CNTNAP4: variants seen among roughly 807,000 people sequenced by gnomAD.
CNTNAP4 encodes the protein contactin associated protein family member 4.
In CNTNAP4, 98 loss-of-function variants were observed where a neutral mutation model predicts 148.4. The ratio of observed to expected loss-of-function variants is 0.66; its 90% CI spans 0.56 to 0.78. The LOEUF (loss-of-function observed/expected upper bound fraction) is 0.78. CNTNAP4 is among the 30% of genes least tolerant of loss of function. The pLI is 0.00. For synonymous variants in CNTNAP4, 730 were observed against 565.1 expected (o/e 1.29, Z -4.14); for missense variants, 1,935 against 1,565.6 (o/e 1.24, Z -3.98).
chr16:76,553,788 T>A, intron 22 of CNTNAP4, 48 bp from the exon 23 acceptor site: 1 of 1,228,822 alleles, frequency 8.1e-7, no homozygotes, highest in Non-Finnish European at 1.2e-6. Flanking sequence ...AAATTTCTTC[T>A]TTTACTTGCC....
At chr16:76,338,715 G>C (rs1273906454) in intron 2 of CNTNAP4, among the ~76,000 whole-genome samples, 1 of 152,186 alleles carries the variant, frequency 6.6e-6, no homozygotes, top group Non-Finnish European at 1.5e-5. Flanking sequence ...AGACCCTGGA[G>C]ACAGACTGTT....
chr16:76,439,519 T>G (rs1252311645), intron 4 of CNTNAP4, among the ~76,000 whole-genome samples: 1 of 152,172 alleles, frequency 6.6e-6, no homozygotes, highest in African/African-American at 2.4e-5. Flanking sequence ...CAAATGAATA[T>G]TAGAGCCAAA....
At chr16:76,307,751 A>T (rs1960651676) in intron 1 of CNTNAP4, among the ~76,000 whole-genome samples, 1 of 152,044 alleles carries the variant, frequency 6.6e-6, no homozygotes, top group Non-Finnish European at 1.5e-5. Context: ...TTGTCTTAAT[A>T]TCTGGACTTT....
intron 15 of CNTNAP4, among the ~76,000 whole-genome samples, chr16:76,520,427 A>G (rs1260590614): frequency 6.6e-6 from 1 of 152,198 alleles, no homozygotes; most frequent in East Asian, 1.9e-4. Flanking sequence ...CTCTTAATTT[A>G]TATCCCAACC....
chr16:76,538,246 C>T lies in CNTNAP4; in HGVS notation c.3126C>T (p.Ile1042=). ...ATATGAAGCTGAGCAGAGAAATGAT[C>T]AAATTTAGTTTCCGAACAACACGAA... The part of the protein sequence containing the change: ...HGDMKLSREM[I]KFSFRTTRTP... The change falls in exon 19 of 24, where the codon ATC becomes ATT. Residue 1042 remains isoleucine (I), a synonymous_variant. Coordinates refer to ENST00000611870, the MANE Select transcript of CNTNAP4 (RefSeq NM_033401.5). 1 of 1,611,048 alleles carries T rather than the reference C, an allele frequency of 6.2e-7. No homozygotes were observed. Among genetic ancestry groups the T allele is most frequent in the Middle Eastern group, 1.7e-4 (1 of 6,054 alleles).
intron 18 of CNTNAP4, among the ~76,000 whole-genome samples, chr16:76,536,744 T>C (rs2062282688): frequency 6.6e-6 from 1 of 152,322 alleles, no homozygotes; most frequent in South Asian, 2.1e-4. Flanking sequence ...CTGATATGCC[T>C]CATGGAAGAA....
At chr16:76,363,174 T>C (rs1025129349) in intron 3 of CNTNAP4, among the ~76,000 whole-genome samples, 3 of 151,756 alleles carry the variant, frequency 2.0e-5, no homozygotes, top group African/African-American at 7.3e-5. Context: ...TTTTTTTTTT[T>C]TTGGGAGTTG....
intron 10 of CNTNAP4, among the ~76,000 whole-genome samples, chr16:76,470,738 T>A (rs528229781): frequency 1.0e-3 from 151 of 150,874 alleles, no homozygotes; most frequent in African/African-American, 2.9e-3. Flanking sequence ...TGCAGGTTTT[T>A]AAAAAAAAAC....
chr16:76,284,244 G>A (rs1235442909), intron 1 of CNTNAP4, among the ~76,000 whole-genome samples: 1 of 151,810 alleles, frequency 6.6e-6, no homozygotes, highest in Non-Finnish European at 1.5e-5. Flanking sequence ...TGTGGGTGGT[G>A]GTGGCATGCA....
chr16:76,302,104 T>C (rs1264491837), intron 1 of CNTNAP4, among the ~76,000 whole-genome samples: 1 of 151,946 alleles, frequency 6.6e-6, no homozygotes, highest in Non-Finnish European at 1.5e-5. Flanking sequence ...AGGAATGATA[T>C]CCACCTATAA....
intron 7 of CNTNAP4, among the ~76,000 whole-genome samples, chr16:76,450,323 T>C (rs543124908): frequency 4.1e-4 from 63 of 152,078 alleles, no homozygotes; most frequent in Non-Finnish European, 6.2e-4. Flanking sequence ...TAATTTTTTG[T>C]ATATTTTGTA....
intron 14 of CNTNAP4, among the ~76,000 whole-genome samples, 168 bp from the exon 15 acceptor site, chr16:76,498,393 AAATAAT>A (rs548806061): frequency 8.5e-5 from 13 of 152,186 alleles, no homozygotes; most frequent in African/African-American, 2.7e-4. Context: ...CCCTGTCTCA[AAATAAT>A]AATAATAGTA....
intron 1 of CNTNAP4, among the ~76,000 whole-genome samples, chr16:76,291,347 C>A (rs538881817): frequency 7.9e-5 from 12 of 152,266 alleles, no homozygotes; most frequent in African/African-American, 2.2e-4. Flanking sequence ...CATTCTCATC[C>A]ATCAGCCACC....
At chr16:76,483,295 G>T (rs894541627) in intron 12 of CNTNAP4, among the ~76,000 whole-genome samples, 3 of 147,108 alleles carry the variant, frequency 2.0e-5, no homozygotes, top group Non-Finnish European at 3.0e-5. Flanking sequence ...CTCATTGTTT[G>T]CAGTCGTTAT....
intron 20 of CNTNAP4, among the ~76,000 whole-genome samples, 170 bp downstream of exon 20, chr16:76,540,022 G>C (rs550484605): frequency 6.6e-6 from 1 of 151,960 alleles, no homozygotes; most frequent in Admixed American, 6.6e-5. Flanking sequence ...ATAAGATTTT[G>C]TTCATTATAT....
intron 7 of CNTNAP4, 46 bp from the exon 8 acceptor site, chr16:76,452,462 G>A: frequency 6.3e-7 from 1 of 1,589,774 alleles, no homozygotes; most frequent in Admixed American, 1.7e-5. Context: ...TTACTAATGT[G>A]ATGTGAATAA....
intron 2 of CNTNAP4, among the ~76,000 whole-genome samples, chr16:76,317,486 T>A (rs189885427): frequency 2.6e-5 from 4 of 152,346 alleles, no homozygotes; most frequent in African/African-American, 9.6e-5. Context: ...GTAAAATTCA[T>A]CTGCACATGC....
At chr16:76,385,264 G>C (rs1017229170) in intron 3 of CNTNAP4, among the ~76,000 whole-genome samples, 6 of 152,160 alleles carry the variant, frequency 3.9e-5, no homozygotes, top group Admixed American at 2.6e-4. Flanking sequence ...GTTTTATAAA[G>C]TTTCCATGGA....
intron 15 of CNTNAP4, among the ~76,000 whole-genome samples, chr16:76,502,478 G>A (rs924699184): frequency 6.6e-6 from 1 of 151,864 alleles, no homozygotes; most frequent in Non-Finnish European, 1.5e-5. Flanking sequence ...AAGCTGCATG[G>A]ACATTACTTT....
Sources: gnomAD v4.1 joint callset for allele counts (sites outside exome capture counted in the v4.1 genomes callset) on GRCh38, gnomAD v4.1.1 for gene constraint, MANE v1.5 for transcripts, NCBI Gene and HGNC (gene_info 2026-07-23, HGNC 2026-07-21) for gene names.